The following GOLPH3 variants were observed in gnomAD, a reference collection of about 807,000 sequenced individuals.
GOLPH3 encodes the protein golgi phosphoprotein 3, also known as coat protein GPP34.
Under a neutral mutation model 28.5 loss-of-function variants are expected in GOLPH3, and 14 were observed. The observed-to-expected ratio is 0.49, with a 90% CI of 0.32 to 0.77. GOLPH3 has a LOEUF of 0.77. Among genes scored for constraint, GOLPH3 ranks in the 30% least tolerant of loss-of-function variants. The pLI is 0.03. For missense variants in GOLPH3, 350 were observed against 393.7 expected (o/e 0.89, Z 0.94); for synonymous variants, 158 against 159.2 (o/e 0.99, Z 0.06).
chr5:32,135,794 C>A, intron 2 of GOLPH3, 108 bp from the exon 3 acceptor site: 1 of 665,060 alleles, frequency 1.5e-6, no homozygotes, highest in Non-Finnish European at 2.6e-6. Flanking sequence ...TGCTTAAAGC[C>A]TCAAGCTTTC....
At chr5:32,146,690 G>A (rs906381943) in intron 1 of GOLPH3, among the ~76,000 whole-genome samples, 1 of 152,084 alleles carries the variant, frequency 6.6e-6, no homozygotes, top group Non-Finnish European at 1.5e-5. Flanking sequence ...TCATAACAGG[G>A]ATATAACCGG....
intron 1 of GOLPH3, among the ~76,000 whole-genome samples, chr5:32,157,709 G>A (rs1410830091): frequency 6.6e-6 from 1 of 152,270 alleles, no homozygotes; most frequent in East Asian, 1.9e-4. Flanking sequence ...GGGCATAGTG[G>A]CTCACGCCTC....
chr5:32,162,312 G>A (rs935537381), intron 1 of GOLPH3, among the ~76,000 whole-genome samples: 1 of 150,402 alleles, frequency 6.6e-6, no homozygotes, highest in Non-Finnish European at 1.5e-5. Context: ...CTAACACGAT[G>A]AAACCCCGTC....
intron 1 of GOLPH3, among the ~76,000 whole-genome samples, chr5:32,158,780 C>T (rs1488618713): frequency 6.6e-6 from 1 of 152,226 alleles, no homozygotes; most frequent in African/African-American, 2.4e-5. Context: ...AAAGTCTCTA[C>T]TTTCTCTTCC....
At chr5:32,167,821 G>C (rs529715344) in intron 1 of GOLPH3, among the ~76,000 whole-genome samples, 37 of 152,108 alleles carry the variant, frequency 2.4e-4, no homozygotes, top group Admixed American at 2.0e-3. Context: ...GGGCATGATA[G>C]GGTGCGCCTA....
chr5:32,172,576 T>A (rs373868121), intron 1 of GOLPH3, among the ~76,000 whole-genome samples: 1 of 152,088 alleles, frequency 6.6e-6, no homozygotes, highest in East Asian at 1.9e-4. Flanking sequence ...ACGTCTGTAG[T>A]CCCGGCTACT....
chr5:32,156,616 G>A (rs371048514), intron 1 of GOLPH3, among the ~76,000 whole-genome samples: 7 of 152,004 alleles, frequency 4.6e-5, no homozygotes, highest in African/African-American at 9.7e-5. Flanking sequence ...GGACTGGAGC[G>A]GCGGGGGGGA....
rs771449809 is a variant in GOLPH3, at chr5:32,126,656, A to AGT, written c.473-22_473-21dup. ...TCTCACCTAAACAAAAGATTTCAGAAGTTAGAAATGATGAGTATTATCTGC... is the reference window on the plus strand; with the variant it reads ...TCTCACCTAAACAAAAGATTTCAGAAGTGTTAGAAATGATGAGTATTATCTGC... On this transcript the variant is annotated intron_variant, in intron 3 of 3. Transcript: ENST00000265070. 6 of 1,594,144 alleles carry AGT rather than the reference A, an allele frequency of 3.8e-6. No homozygotes were observed. In the South Asian group the frequency reaches 6.9e-5, roughly 18 times the overall value.
intron 2 of GOLPH3, among the ~76,000 whole-genome samples, chr5:32,140,277 G>A (rs1000519893): frequency 3.9e-5 from 6 of 152,044 alleles, no homozygotes; most frequent in South Asian, 4.2e-4. Context: ...GACAAGGCAC[G>A]AGGATCACTT....
At chr5:32,142,217 G>A (rs971031725) in intron 2 of GOLPH3, among the ~76,000 whole-genome samples, 2 of 151,456 alleles carry the variant, frequency 1.3e-5, no homozygotes, top group East Asian at 2.0e-4. Context: ...CTGCCCGGCC[G>A]CCCATCGTCT....
intron 2 of GOLPH3, among the ~76,000 whole-genome samples, chr5:32,141,499 G>A (rs544004695): frequency 1.3e-5 from 2 of 152,194 alleles, no homozygotes; most frequent in Admixed American, 6.5e-5. Context: ...AATAGCCTAT[G>A]CGTAAATTGC....
chr5:32,151,522 T>G (rs1746307105), intron 1 of GOLPH3, among the ~76,000 whole-genome samples: 1 of 152,130 alleles, frequency 6.6e-6, no homozygotes, highest in African/African-American at 2.4e-5. Context: ...AAAATATATA[T>G]TTTGAAATAT....
chr5:32,136,927 C>T (rs929715478), intron 2 of GOLPH3, among the ~76,000 whole-genome samples: 4 of 152,100 alleles, frequency 2.6e-5, no homozygotes, highest in African/African-American at 9.7e-5. Context: ...AACTTGCTAA[C>T]AAATTATAGA....
intron 1 of GOLPH3, among the ~76,000 whole-genome samples, chr5:32,146,451 T>C (rs1030604109): frequency 5.3e-5 from 8 of 152,116 alleles, no homozygotes; most frequent in African/African-American, 1.9e-4. Flanking sequence ...CAGACCTCCA[T>C]CTGCCTGATT....
intron 1 of GOLPH3, among the ~76,000 whole-genome samples, chr5:32,152,410 C>T (rs1294599752): frequency 6.8e-6 from 1 of 146,706 alleles, no homozygotes; most frequent in African/African-American, 2.5e-5. Context: ...CAGGTATGAG[C>T]CACCGCGCCT....
chr5:32,125,162 AT>A lies in GOLPH3; in HGVS notation c.*1049del, dbSNP rs757217056. The A allele has an allele frequency of 6.1e-4, 93 of 152,672 alleles. No homozygotes were observed. Among genetic ancestry groups the A allele is most frequent in the Non-Finnish European group, 1.1e-3 (76 of 68,010 alleles). The allele number at this position is 152,672 out of a possible 1,614,324, so 9.5% of individuals were successfully genotyped here. A position where few individuals can be genotyped will look rare whatever the true frequency, so the allele number is the denominator to read the frequency against. On this transcript the variant is annotated 3_prime_UTR_variant, in exon 4 of 4. Transcript: ENST00000265070. ...CAACATCTGCTAGGACTGACATTTG[AT>A]TTTTTTCCCCAAGAATGTGTGAGTA...
Position 32,161,803 on chromosome 5 carries a change from G to A in GOLPH3, c.225+12007C>T, listed in dbSNP as rs1055736866. Among the ~76,000 whole-genome samples the A allele has an allele frequency of 2.4e-4, 36 of 150,872 alleles. 1 individual carries two copies. Among genetic ancestry groups the A allele is most frequent in the African/African-American group, 5.7e-4 (23 of 40,372 alleles). On this transcript the variant is annotated intron_variant, in intron 1 of 3. Transcript: ENST00000265070. ...AGCACTTTGGGAGGCAGAGGCGGGC[G>A]GACCACGAGGTCAGGAGATCAAAAC... is the stretch of plus-strand genomic sequence containing the variant.
At chr5:32,146,457 T>C (rs1266700013) in intron 1 of GOLPH3, among the ~76,000 whole-genome samples, 1 of 152,142 alleles carries the variant, frequency 6.6e-6, no homozygotes, top group African/African-American at 2.4e-5. Flanking sequence ...TCCATCTGCC[T>C]GATTCCCTTT....
rs1746583489 is a variant in GOLPH3 at position 32,161,767 on chromosome 5, C to T, written c.225+12043G>A. ...GTCGGGCCAGGCACGGTGGCTCACG[C>T]CTGTAATCCCAGCACTTTGGGAGGC... On this transcript the variant is annotated intron_variant, in intron 1 of 3. Transcript: ENST00000265070. Among the ~76,000 whole-genome samples the T allele has an allele frequency of 1.3e-5, 2 of 151,134 alleles. 1 individual carries two copies. Among genetic ancestry groups the T allele is most frequent in the African/African-American group, 4.9e-5 (2 of 40,500 alleles).
Sources: gnomAD v4.1 joint callset for allele counts (sites outside exome capture counted in the v4.1 genomes callset) on GRCh38, gnomAD v4.1.1 for gene constraint, MANE v1.5 for transcripts, NCBI Gene and HGNC (gene_info 2026-07-23, HGNC 2026-07-21) for gene names.